ROBO2: variants seen among roughly 807,000 people sequenced by gnomAD.
ROBO2 encodes roundabout guidance receptor 2.
In ROBO2, 53 loss-of-function variants were observed where a neutral mutation model predicts 160.8. The observed-to-expected ratio is 0.33, with a 90% CI of 0.26 to 0.41. The LOEUF (loss-of-function observed/expected upper bound fraction) is 0.41. ROBO2 is among the 10% of genes least tolerant of loss of function. The probability of loss-of-function intolerance (pLI) is 1.00; values close to 1 mark genes in which losing one functional copy is unlikely to be tolerated. For missense variants in ROBO2, 1,577 were observed against 1,722.4 expected, an observed-to-expected ratio of 0.92 and a Z score of 1.49; for synonymous variants, 664 against 611.7, an observed-to-expected ratio of 1.09 and a Z score of -1.26.
intron 2 of ROBO2, among the ~76,000 whole-genome samples, chr3:76,100,563 AAAG>A (rs1201149438): frequency 6.6e-6 from 1 of 152,210 alleles, no homozygotes; most frequent in Non-Finnish European, 1.5e-5. Context: ...TTTATTTGTA[AAAG>A]AAGAATAACA....
At chr3:77,602,571 C>G in intron 20 of ROBO2, 80 bp downstream of exon 21, 1 of 1,525,230 alleles carries the variant, frequency 6.6e-7, no homozygotes. Context: ...TGTTGTTTGA[C>G]TTAGTGATTC....
intron 2 of ROBO2, among the ~76,000 whole-genome samples, chr3:76,012,802 G>A (rs980842846): frequency 3.3e-5 from 5 of 152,026 alleles, no homozygotes; most frequent in African/African-American, 9.7e-5. Flanking sequence ...GACTGGGCAC[G>A]GTGGTGTATG....
intron 2 of ROBO2, among the ~76,000 whole-genome samples, chr3:77,414,315 A>G (rs1323874667): frequency 6.6e-6 from 1 of 152,218 alleles, no homozygotes; most frequent in Non-Finnish European, 1.5e-5. Flanking sequence ...TGGTACAAGG[A>G]AAGTCTCTAT....
intron 2 of ROBO2, among the ~76,000 whole-genome samples, chr3:77,167,623 C>A (rs918235318): frequency 3.9e-5 from 6 of 152,248 alleles, no homozygotes; most frequent in African/African-American, 1.4e-4. Context: ...TTCTTCAAGA[C>A]ACTGAATTTT....
intron 2 of ROBO2, among the ~76,000 whole-genome samples, chr3:77,240,477 C>A (rs1455823449): frequency 6.6e-6 from 1 of 152,174 alleles, no homozygotes; most frequent in African/African-American, 2.4e-5. Flanking sequence ...CTCCACACCT[C>A]CCTGCAAGCA....
intron 2 of ROBO2, among the ~76,000 whole-genome samples, chr3:76,542,337 G>A (rs2082866245): frequency 6.6e-6 from 1 of 152,058 alleles, no homozygotes; most frequent in African/African-American, 2.4e-5. Context: ...ACCTTTCTGT[G>A]CTGGTTTTCC....
In ROBO2 at chr3:76,124,996, C is replaced by T. The variant is rs144368864; in HGVS notation, c.109+187394C>T. Among the ~76,000 whole-genome samples the T allele has an allele frequency of 3.0e-3, 463 of 152,188 alleles. 4 individuals carry two copies. Among genetic ancestry groups the T allele is most frequent in the African/African-American group, 0.011 (446 of 41,532 alleles). ...GGGTACTTTTTCAACCCATTCACCC[C>T]CTCCTTCCACCTTCTAGCAGATTGC... On this transcript the variant is annotated intron_variant, in intron 2 of 26. Coordinates refer to the ROBO2 transcript ENST00000487694.
At chr3:75,906,844 G>T (rs1946365087) in exon 1 of ROBO2, 1 of 152,358 alleles carries the variant, frequency 6.6e-6, no homozygotes, top group African/African-American at 2.4e-5. Context: ...GGAGCAGCAG[G>T]TCCGGGGGGA....
At chr3:76,604,587 T>C (rs1475128137) in intron 2 of ROBO2, among the ~76,000 whole-genome samples, 1 of 152,202 alleles carries the variant, frequency 6.6e-6, no homozygotes, top group East Asian at 1.9e-4. Context: ...CTTAATTATA[T>C]TTTCTAATTT....
intron 1 of ROBO2, among the ~76,000 whole-genome samples, chr3:77,078,033 T>C (rs2068197684): frequency 6.6e-6 from 1 of 152,172 alleles, no homozygotes; most frequent in Admixed American, 6.5e-5. Flanking sequence ...AATCACATTA[T>C]TGATATCAGT....
rs1008233322 is a variant in ROBO2, at chr3:76,818,129, T to G, written c.110-279885T>G. ...TACATTTCTACCAGCGGTGTAAAAG[T>G]GTTTCCTTTTTACCACATCCACACC... On this transcript the variant is annotated intron_variant, in intron 2 of 26. Transcript: ENST00000487694. Among the ~76,000 whole-genome samples, 5 of 151,978 alleles carry G rather than the reference T, an allele frequency of 3.3e-5. No individual in the cohort carries two copies. The South Asian group carries it at 1.0e-3, about 31-fold the overall frequency.
chr3:76,551,718 T>G, intron 2 of ROBO2, among the ~76,000 whole-genome samples: 1 of 152,132 alleles, frequency 6.6e-6, no homozygotes, highest in South Asian at 2.1e-4. Flanking sequence ...CATGTTCCCC[T>G]TGTCCAGATA....
intron 2 of ROBO2, among the ~76,000 whole-genome samples, chr3:76,982,087 A>G (rs1036007734): frequency 1.3e-5 from 2 of 152,170 alleles, no homozygotes; most frequent in Non-Finnish European, 2.9e-5. Flanking sequence ...ATTTTGGTGA[A>G]GTCCAATTTC....
chr3:77,475,410 A>G (rs954430700), intron 2 of ROBO2, among the ~76,000 whole-genome samples: 8 of 152,096 alleles, frequency 5.3e-5, no homozygotes, highest in Non-Finnish European at 1.0e-4. Flanking sequence ...TTTGTCCTAC[A>G]TGTCAAAGGA....
chr3:77,617,729 T>C, exon 22 of ROBO2: 1 of 1,613,926 alleles, frequency 6.2e-7, no homozygotes, highest in Non-Finnish European at 8.5e-7. Context: ...CTCACCTGGA[T>C]GAGTTGACAA....
chr3:76,743,652 T>A (rs1213256391), intron 2 of ROBO2, among the ~76,000 whole-genome samples: 2 of 152,070 alleles, frequency 1.3e-5, no homozygotes, highest in East Asian at 3.9e-4. Flanking sequence ...TAGAGAAGAA[T>A]TGGGTTATAT....
At chr3:77,537,748 C>T (rs976265636) in intron 6 of ROBO2, among the ~76,000 whole-genome samples, 1 of 152,142 alleles carries the variant, frequency 6.6e-6, no homozygotes, top group African/African-American at 2.4e-5. Context: ...GGGGAGGCCT[C>T]ACAATCATGG....
chr3:76,601,606 GAAC>G (rs2087148667), intron 2 of ROBO2, among the ~76,000 whole-genome samples: 1 of 152,152 alleles, frequency 6.6e-6, no homozygotes, highest in African/African-American at 2.4e-5. Context: ...GGAGTGGCTG[GAAC>G]ACAGGGCACC....
Position 77,635,116 on chromosome 3 carries a change from T to G in ROBO2, c.3934+73T>G, listed in dbSNP as rs927227455. On this transcript the variant is annotated intron_variant, in intron 24 of 25. Coordinates refer to ENST00000461745, the Ensembl canonical transcript of ROBO2. The stretch of plus-strand genomic sequence containing the variant: ...CCATGCAATCATTTACTTAGATTAA[T>G]GTAGTCATGGTAGATTAGCCATTGC... The G allele has an allele frequency of 4.9e-5, 75 of 1,522,638 alleles. 1 individual carries two copies. Among genetic ancestry groups the G allele is most frequent in the Admixed American group, 3.0e-4 (16 of 53,034 alleles). 94.3% of individuals were successfully genotyped at this position (1,522,638 alleles called of 1,614,324 possible).
Sources: gnomAD v4.1 joint callset for allele counts (sites outside exome capture counted in the v4.1 genomes callset) on GRCh38, gnomAD v4.1.1 for gene constraint, MANE v1.5 for transcripts, NCBI Gene and HGNC (gene_info 2026-07-23, HGNC 2026-07-21) for gene names.